The following DNM1 variants were observed in gnomAD, a reference collection of about 807,000 sequenced individuals.
DNM1 encodes dynamin 1.
DNM1 carries 29 observed loss-of-function variants against 104.6 expected under a neutral mutation model. The observed-to-expected ratio is 0.28, with a 90% CI of 0.21 to 0.38. The LOEUF is 0.38. Ranked by LOEUF, DNM1 falls within the 10% of genes least tolerant of loss-of-function variation. DNM1 has a pLI of 1.00. For missense variants in DNM1, 640 were observed against 1,189.4 expected (o/e 0.54, Z 6.79); for synonymous variants, 445 against 475.8 (o/e 0.94, Z 0.84).
chr9:128,224,474 G>T lies in DNM1; in HGVS notation c.1335+85G>T, dbSNP rs1484679994. ...GCGCTCCTTCCCCATGTCCCCCCCT[G>T]CCTCCTCGGTAGCATGTACAGACCT... On this transcript the variant is annotated intron_variant, in intron 10 of 21. Coordinates refer to ENST00000372923, the MANE Select transcript of DNM1 (RefSeq NM_004408.4). The surrounding 1 kb of genome is among the most constrained non-coding windows in gnomAD (Gnocchi z 4.3). 12 of 1,382,758 alleles carry T rather than the reference G, an allele frequency of 8.7e-6. No homozygotes were observed. The highest frequency in any genetic ancestry group is 1.2e-5 in the Non-Finnish European group (12 of 1,004,040). The allele number at this position is 1,382,758 out of a possible 1,614,324, so 85.7% of individuals were successfully genotyped here.
chr9:128,226,232 TC>T, intron 10 of DNM1: 1 of 1,601,328 alleles, frequency 6.2e-7, no homozygotes, highest in Non-Finnish European at 8.5e-7. Flanking sequence ...GGCCACAGCC[TC>T]CCGTGGGCAG....
At chr9:128,219,950 G>C (rs543350697) in intron 4 of DNM1, 38 bp from the exon 5 acceptor site, 1 of 1,494,324 alleles carries the variant, frequency 6.7e-7, no homozygotes, top group East Asian at 2.5e-5. Flanking sequence ...TGTGAGAGCG[G>C]GTGCAGCTGT....
chr9:128,237,565 G>A (rs1014697543), intron 11 of DNM1, among the ~76,000 whole-genome samples: 4 of 151,386 alleles, frequency 2.6e-5, no homozygotes, highest in African/African-American at 4.8e-5. Context: ...CACCCCGCCC[G>A]GCCTGTCCTT....
At chr9:128,233,275 G>A (rs1835810113) in intron 10 of DNM1, among the ~76,000 whole-genome samples, 1 of 152,226 alleles carries the variant, frequency 6.6e-6, no homozygotes, top group South Asian at 2.1e-4. Context: ...GCTGGGGATG[G>A]TGGTGCCGGG....
chr9:128,225,732 T>C (rs1280855672), intron 10 of DNM1, among the ~76,000 whole-genome samples: 1 of 151,984 alleles, frequency 6.6e-6, no homozygotes, highest in Admixed American at 6.6e-5. Flanking sequence ...CTGAACTCAA[T>C]AGGGGTCTTG....
chr9:128,231,193 C>CAT (rs1835664902), intron 10 of DNM1, among the ~76,000 whole-genome samples: 14 of 84,552 alleles, frequency 1.7e-4, no homozygotes, highest in Non-Finnish European at 3.1e-4. Context: ...GATACTTTTG[C>CAT]CTTTTTTTTT....
At chr9:128,221,794 G>A (rs1835038174) in intron 6 of DNM1, among the ~76,000 whole-genome samples, 1 of 152,170 alleles carries the variant, frequency 6.6e-6, no homozygotes, top group Non-Finnish European at 1.5e-5. Context: ...TTGGGAGGCT[G>A]AGGCAGGAGA....
Position 128,246,514 on chromosome 9 carries a change from G to GC in DNM1, c.1781+15dup, listed in dbSNP as rs1836821836. 1 of 1,606,550 alleles carries GC rather than the reference G, an allele frequency of 6.2e-7. No individual in the cohort carries two copies. The highest frequency in any genetic ancestry group is 1.3e-5 in the African/African-American group (1 of 74,756). On this transcript the variant is annotated intron_variant, in intron 16 of 21. Transcript: ENST00000372923. ...TAACACGGAGCAGAGGTGCCTGCCT[G>GC]CCCCTGGCTGTGGCTGCTGCAGCCC...
chr9:128,213,242 C>T (rs890631081), intron 1 of DNM1, among the ~76,000 whole-genome samples: 2 of 152,064 alleles, frequency 1.3e-5, no homozygotes, highest in African/African-American at 4.8e-5. Context: ...CCACCACACC[C>T]TGCTAATTTT....
chr9:128,220,230 G>A lies in DNM1; in HGVS notation c.738G>A (p.Lys246=), dbSNP rs752979962. 4 of 1,614,074 alleles carry A rather than the reference G, an allele frequency of 2.5e-6. No individual in the cohort carries two copies. In the Admixed American group the frequency reaches 5.0e-5, roughly 20 times the overall value. ...GCCAGAAGGACATTGATGGCAAGAA[G>A]GACATTACCGCCGCCTTGGCTGCTG... ...NRSQKDIDGK[K]DITAALAAER... The change falls in exon 6 of 22, where the codon AAG becomes AAA. Residue 246 remains lysine, a synonymous_variant. Transcript: ENST00000372923. This position sits in a 1 kb window ranked among gnomAD's most constrained non-coding sequence, Gnocchi z 5.2.
In DNM1 at chr9:128,220,726, A is replaced by AGCGCGCGCGCGCGCGCGCGCGC. The variant is rs747195864; in HGVS notation, c.849+386_849+387insCGCGCGCGCGCGCGCGCGCGCG. 1.5e-5 allele frequency among the ~76,000 whole-genome samples: 2 copies of AGCGCGCGCGCGCGCGCGCGCGC among 133,486 alleles called. No homozygotes were observed. The highest frequency in any genetic ancestry group is 3.3e-5 in the Non-Finnish European group (2 of 61,202). 87.6% of individuals were successfully genotyped at this position (133,486 alleles called of 152,430 possible). A position where few individuals can be genotyped will look rare whatever the true frequency, so the allele number is the denominator to read the frequency against. ...TCTGGAATGGGGCATCCAGAACTGA[A>AGCGCGCGCGCGCGCGCGCGCGC]GTGCGCGCGCGCGCGCGTGTGTGTG... is the stretch of plus-strand genomic sequence containing the variant. On this transcript the variant is annotated intron_variant, in intron 6 of 21. Transcript: ENST00000372923. This position sits in a 1 kb window ranked among gnomAD's most constrained non-coding sequence, Gnocchi z 5.2.
At chr9:128,250,446 A>T (rs1336682427) in intron 20 of DNM1, 90 bp downstream of exon 20, 2 of 1,363,722 alleles carry the variant, frequency 1.5e-6, no homozygotes, top group African/African-American at 2.9e-5. Context: ...CGCCCGCGTC[A>T]CCGGGGTGGC....
Position 128,248,815 on chromosome 9 carries a change from G to T in DNM1, c.2076+62G>T. On this transcript the variant is annotated intron_variant, in intron 19 of 21. Coordinates refer to ENST00000372923, the MANE Select transcript of DNM1 (RefSeq NM_004408.4). The surrounding 1 kb of genome is among the most constrained non-coding windows in gnomAD (Gnocchi z 5.6). ...TGGCACTGGGGATGCAGGTGGCCAT[G>T]TTGGCCTGGGGGAGATGCCAACCAG... 1 of 1,571,678 alleles carries T rather than the reference G, an allele frequency of 6.4e-7. No homozygotes were observed. Among genetic ancestry groups the T allele is most frequent in the Non-Finnish European group, 8.7e-7 (1 of 1,149,936 alleles).
intron 15 of DNM1, chr9:128,244,811 G>T: frequency 1.9e-6 from 1 of 533,878 alleles, no homozygotes; most frequent in Non-Finnish European, 3.9e-6. Flanking sequence ...CTGGGTAGAC[G>T]GAGTGGAGGT....
intron 21 of DNM1, chr9:128,252,789 CCT>C: frequency 1.6e-6 from 1 of 631,978 alleles, no homozygotes; most frequent in East Asian, 3.2e-5. Flanking sequence ...GGTGCAAATG[CCT>C]CTGTGTGCGG....
Position 128,254,560 on chromosome 9 carries a change from CGCGGCCGGCCCCGGCCGTGTGCTGCGCTT to C in DNM1, c.2535-91_2535-63del. On this transcript the variant is annotated intron_variant, in intron 21 of 21. Coordinates refer to ENST00000372923, the MANE Select transcript of DNM1 (RefSeq NM_004408.4). The surrounding 1 kb of genome is among the most constrained non-coding windows in gnomAD (Gnocchi z 6.1). ...CCCGGCCCTCCCACCACTGCTGCGG[CGCGGCCGGCCCCGGCCGTGTGCTGCGCTT>C]GCCTTACCAGCTCTCTCCTCGCTTT... 3 of 1,582,848 alleles carry C rather than the reference CGCGGCCGGCCCCGGCCGTGTGCTGCGCTT, an allele frequency of 1.9e-6. No individual in the cohort carries two copies. Among genetic ancestry groups the C allele is most frequent in the Non-Finnish European group, 2.6e-6 (3 of 1,172,742 alleles).
At chr9:128,209,818 T>C (rs1446959392) in intron 1 of DNM1, among the ~76,000 whole-genome samples, 1 of 152,146 alleles carries the variant, frequency 6.6e-6, no homozygotes, top group African/African-American at 2.4e-5. Context: ...TGAGAGGGAA[T>C]TCTGGGGCAT....
In DNM1 at chr9:128,239,491, A is replaced by G. The variant is rs1836225637; in HGVS notation, c.1469A>G (p.His490Arg). 6.2e-7 allele frequency: 1 copy of G among 1,613,700 alleles called. No homozygotes were observed. The highest frequency in any genetic ancestry group is 8.5e-7 in the Non-Finnish European group (1 of 1,179,864). Residue 490 changes from histidine to arginine, a missense_variant, in exon 12 of 22, where the codon CAT (histidine) becomes CGT (arginine). His to Arg is a conservative substitution (Grantham distance 29). This residue lies in a region of DNM1 where 92 missense variants were observed against 124.4 expected (regional missense o/e 0.74). Coordinates refer to ENST00000372923, the MANE Select transcript of DNM1 (RefSeq NM_004408.4). Reference protein sequence around the residue: ...DIELAYMNTNHEDFIGFANAQ... With the variant: ...DIELAYMNTNREDFIGFANAQ... Reference sequence around the variant, plus strand: ...GAGCTGGCTTACATGAACACCAACCATGAGGACTTCATAGGCTTTGCCAAG... The same window carrying G: ...GAGCTGGCTTACATGAACACCAACCGTGAGGACTTCATAGGCTTTGCCAAG...
chr9:128,244,609 C>T (rs545321037), intron 15 of DNM1: 1 of 348,448 alleles, frequency 2.9e-6, no homozygotes, highest in South Asian at 2.1e-5. Flanking sequence ...GGGTGGCACC[C>T]CCATCCATCT....
Sources: allele counts gnomAD v4.1 joint callset (sites outside exome capture counted in the v4.1 genomes callset), GRCh38; gene constraint gnomAD v4.1.1; regional missense constraint gnomAD v4.1.1; non-coding constraint Gnocchi (gnomAD v3.1); transcripts MANE v1.5; gene names NCBI Gene and HGNC (gene_info 2026-07-23, HGNC 2026-07-21).